AK3: variants seen among roughly 807,000 people sequenced by gnomAD.
AK3 encodes GTP:AMP phosphotransferase AK3, mitochondrial.
A neutral mutation model predicts 23.7 loss-of-function variants in AK3; 27 were observed. That is an observed-to-expected ratio of 1.14 (90% confidence interval 0.84 to 1.57). AK3 has a LOEUF of 1.57. AK3 is among the 40% of genes most tolerant of loss of function. The pLI is 0.00. For synonymous variants in AK3, 159 were observed against 116.0 expected (o/e 1.37, Z -2.38); for missense variants, 406 against 285.6 (o/e 1.42, Z -3.04).
chr9:4,731,858 C>T (rs1046411125), intron 1 of AK3, among the ~76,000 whole-genome samples: 1 of 152,174 alleles, frequency 6.6e-6, no homozygotes, highest in Admixed American at 6.5e-5. Context: ...ACCCCTCCTC[C>T]TCCTCAGTCT....
chr9:4,718,777 G>A (rs1338116470), intron 3 of AK3, among the ~76,000 whole-genome samples: 1 of 152,170 alleles, frequency 6.6e-6, no homozygotes, highest in East Asian at 1.9e-4. Context: ...TTTCTAAGCA[G>A]CCTCTAAGTA....
intron 1 of AK3, among the ~76,000 whole-genome samples, chr9:4,740,095 A>G (rs982278582): frequency 4.6e-5 from 7 of 151,770 alleles, no homozygotes; most frequent in African/African-American, 1.7e-4. Context: ...AACAAAAGAA[A>G]AAGGCCTTGT....
intron 1 of AK3, among the ~76,000 whole-genome samples, chr9:4,724,596 T>C (rs562972942): frequency 2.0e-5 from 3 of 152,150 alleles, no homozygotes; most frequent in South Asian, 2.1e-4. Context: ...TTAGGCAACA[T>C]GGTGAGACCC....
intron 1 of AK3, among the ~76,000 whole-genome samples, chr9:4,739,283 C>G (rs546028507): frequency 6.6e-6 from 1 of 151,604 alleles, no homozygotes; most frequent in Non-Finnish European, 1.5e-5. Context: ...CTCCGCCTCC[C>G]AGGTTCAAGC....
chr9:4,728,866 T>TATATATACAC (rs1395790351), intron 1 of AK3, among the ~76,000 whole-genome samples: 16 of 87,904 alleles, frequency 1.8e-4, no homozygotes, highest in East Asian at 4.7e-4. Context: ...TATATATATA[T>TATATATACAC]ACACACACAC....
intron 1 of AK3, among the ~76,000 whole-genome samples, chr9:4,737,046 C>G (rs1842310733): frequency 6.7e-6 from 1 of 149,348 alleles, no homozygotes; most frequent in African/African-American, 2.4e-5. Flanking sequence ...ACACTTCAAC[C>G]TCACGATTTC....
At position 4,741,169 on chromosome 9, in the gene AK3, G is replaced by A; in HGVS notation, c.-82C>T. On this transcript the variant is annotated 5_prime_UTR_variant, in exon 1 of 5. Transcript: ENST00000381809. ...GCTCACCCGCTCGGCAGCCTGCGCC[G>A]GCCGGCTAGCAGCGCCACTAGCAGG... 2.3e-6 allele frequency: 3 copies of A among 1,310,432 alleles called. No homozygotes were observed. Among genetic ancestry groups the A allele is most frequent in the South Asian group, 2.0e-5 (1 of 49,528 alleles). 81.2% of individuals were successfully genotyped at this position (1,310,432 alleles called of 1,614,324 possible).
At chr9:4,713,799 T>C (rs1841625564) in intron 4 of AK3, among the ~76,000 whole-genome samples, 1 of 151,376 alleles carries the variant, frequency 6.6e-6, no homozygotes, top group Non-Finnish European at 1.5e-5. Context: ...TGGTGAAGAG[T>C]GAGATCAGAA....
intron 1 of AK3, among the ~76,000 whole-genome samples, chr9:4,731,063 T>C (rs1424993518): frequency 6.6e-6 from 1 of 152,232 alleles, no homozygotes; most frequent in Non-Finnish European, 1.5e-5. Context: ...TACCTACTGA[T>C]ATTGTCATTC....
At chr9:4,740,298 C>T (rs931045759) in intron 1 of AK3, among the ~76,000 whole-genome samples, 1 of 149,974 alleles carries the variant, frequency 6.7e-6, no homozygotes, top group Non-Finnish European at 1.5e-5. Flanking sequence ...CCTTTCGTGC[C>T]GAGCTGTAAG....
At chr9:4,734,817 G>C (rs1842232268) in intron 1 of AK3, among the ~76,000 whole-genome samples, 1 of 152,118 alleles carries the variant, frequency 6.6e-6, no homozygotes, top group South Asian at 2.1e-4. Context: ...TGTATTCAGC[G>C]ATAAAAAAGA....
chr9:4,734,720 T>C (rs1363673931), intron 1 of AK3, among the ~76,000 whole-genome samples: 2 of 152,194 alleles, frequency 1.3e-5, no homozygotes, highest in South Asian at 4.1e-4. Context: ...GGTACACCCA[T>C]AAGATAACAG....
chr9:4,740,516 GAAAC>G (rs935238680), intron 1 of AK3, among the ~76,000 whole-genome samples: 9 of 152,242 alleles, frequency 5.9e-5, no homozygotes, highest in East Asian at 3.9e-4. Context: ...AGAAAAGAAA[GAAAC>G]AAAGAAAACA....
At chr9:4,728,239 G>A (rs989509398) in intron 1 of AK3, among the ~76,000 whole-genome samples, 2 of 152,190 alleles carry the variant, frequency 1.3e-5, no homozygotes, top group African/African-American at 2.4e-5. Context: ...AAAAGATACA[G>A]TACCTGTGAA....
intron 1 of AK3, among the ~76,000 whole-genome samples, chr9:4,738,407 T>A (rs1842346303): frequency 6.6e-6 from 1 of 152,068 alleles, no homozygotes; most frequent in Admixed American, 6.6e-5. Context: ...CTCTGGTGAT[T>A]CACCCACCTC....
intron 2 of AK3, 137 bp downstream of exon 2, chr9:4,722,369 C>T (rs753358552): frequency 1.6e-6 from 2 of 1,216,332 alleles, no homozygotes; most frequent in Non-Finnish European, 1.1e-6. Flanking sequence ...GAGAAGATGA[C>T]TGGTTTCAGG....
At chr9:4,721,524 A>T (rs1486011364) in intron 2 of AK3, among the ~76,000 whole-genome samples, 1 of 151,692 alleles carries the variant, frequency 6.6e-6, no homozygotes, top group Non-Finnish European at 1.5e-5. Context: ...CAGTGGGGCA[A>T]TCTCGGTTCA....
At chr9:4,726,045 G>C (rs976055160) in intron 1 of AK3, among the ~76,000 whole-genome samples, 4 of 152,242 alleles carry the variant, frequency 2.6e-5, no homozygotes, top group Non-Finnish European at 4.4e-5. Context: ...AGTCTATTAA[G>C]TGCAATAGCA....
chr9:4,718,284 G>C (rs1369918947), intron 4 of AK3, 135 bp downstream of exon 4: 3 of 684,882 alleles, frequency 4.4e-6, no homozygotes, highest in Admixed American at 4.5e-5. Context: ...ACAAGCTAAT[G>C]TATTTCCTTT....
Sources: gnomAD v4.1 joint callset for allele counts (sites outside exome capture counted in the v4.1 genomes callset) on GRCh38, gnomAD v4.1.1 for gene constraint, MANE v1.5 for transcripts, NCBI Gene and HGNC (gene_info 2026-07-23, HGNC 2026-07-21) for gene names.